DDX10: variants seen among roughly 807,000 people sequenced by gnomAD.
The protein encoded by DDX10 is DEAD-box helicase 10, also known as probable ATP-dependent RNA helicase DDX10.
Under a neutral mutation model 104.3 loss-of-function variants are expected in DDX10, and 74 were observed. The observed-to-expected ratio is 0.71, with a 90% CI of 0.59 to 0.86. The LOEUF (loss-of-function observed/expected upper bound fraction) is 0.86, where lower values mean the gene tolerates loss of function less well. Ranked by LOEUF, DDX10 falls within the 40% of genes least tolerant of loss-of-function variation. The probability of loss-of-function intolerance (pLI) is 0.00; values close to 1 mark genes in which losing one functional copy is unlikely to be tolerated. For synonymous variants in DDX10, 351 were observed against 353.4 expected (o/e 0.99, Z 0.08); for missense variants, 952 against 1,040.0 (o/e 0.92, Z 1.16).
intron 9 of DDX10, among the ~76,000 whole-genome samples, chr11:108,702,728 T>C (rs2134458109): frequency 6.6e-6 from 1 of 152,336 alleles, no homozygotes; most frequent in Admixed American, 6.5e-5. Context: ...AGCTTTCTGA[T>C]ATCAGCTAGA....
At chr11:108,883,840 C>T (rs995796415) in intron 16 of DDX10, among the ~76,000 whole-genome samples, 1 of 152,172 alleles carries the variant, frequency 6.6e-6, no homozygotes, top group African/African-American at 2.4e-5. Context: ...TGAAGCCCTT[C>T]TTCAGTAAAC....
intron 17 of DDX10, among the ~76,000 whole-genome samples, chr11:108,924,074 A>C (rs1399725414): frequency 6.6e-6 from 1 of 152,088 alleles, no homozygotes; most frequent in Non-Finnish European, 1.5e-5. Context: ...CTTCGTGTGA[A>C]TTGCTAATGA....
intron 13 of DDX10, among the ~76,000 whole-genome samples, chr11:108,783,513 T>C (rs931254016): frequency 5.9e-5 from 9 of 152,132 alleles, no homozygotes; most frequent in African/African-American, 2.2e-4. Context: ...TGGTGCAGTC[T>C]TTTGGATGTA....
intron 16 of DDX10, among the ~76,000 whole-genome samples, chr11:108,871,433 T>C (rs1863080637): frequency 6.6e-6 from 1 of 152,264 alleles, no homozygotes; most frequent in Non-Finnish European, 1.5e-5. Flanking sequence ...AATTATAATG[T>C]AATGCCTCAT....
intron 13 of DDX10, among the ~76,000 whole-genome samples, chr11:108,834,660 G>A (rs999732535): frequency 1.3e-5 from 2 of 152,002 alleles, no homozygotes; most frequent in African/African-American, 2.4e-5. Context: ...GATCAGCATT[G>A]CTTCTGTCTT....
chr11:108,866,432 G>C (rs920401535), intron 16 of DDX10, among the ~76,000 whole-genome samples: 1 of 152,080 alleles, frequency 6.6e-6, no homozygotes, highest in African/African-American at 2.4e-5. Flanking sequence ...AGCTTGGAAG[G>C]TCACTTTGGA....
intron 1 of DDX10, among the ~76,000 whole-genome samples, chr11:108,671,775 C>T (rs61913967): frequency 0.12 from 18,612 of 152,102 alleles, 1,542 homozygotes; most frequent in East Asian, 0.27. Context: ...TCCTTTTCTT[C>T]GTCTTCTTTT....
chr11:108,717,289 C>T (rs2094292705), intron 11 of DDX10, among the ~76,000 whole-genome samples: 1 of 152,160 alleles, frequency 6.6e-6, no homozygotes, highest in Non-Finnish European at 1.5e-5. Context: ...AACTGTTATT[C>T]CTGGCAAAGA....
At position 108,820,618 on chromosome 11, in the gene DDX10, G is replaced by T. The variant is rs185165980; in HGVS notation, c.1966-17828G>T. On this transcript the variant is annotated intron_variant, in intron 13 of 17. Coordinates refer to ENST00000322536, the MANE Select transcript of DDX10 (RefSeq NM_004398.4). ...CTGCAGTCATCTGAGAAATTAAGCC[G>T]TCAGGCACGTGGAGACTTTGAGGTT... is the stretch of plus-strand genomic sequence containing the variant. Among the ~76,000 whole-genome samples, 12 of 152,284 alleles carry T rather than the reference G, an allele frequency of 7.9e-5. No individual in the cohort carries two copies. The South Asian group carries it at 2.5e-3, about 32-fold the overall frequency.
intron 13 of DDX10, among the ~76,000 whole-genome samples, chr11:108,813,461 G>C (rs1200828316): frequency 3.9e-5 from 6 of 151,966 alleles, no homozygotes; most frequent in African/African-American, 1.5e-4. Flanking sequence ...CTCTCTATTG[G>C]GAAAATTTAT....
At chr11:108,812,979 TAAAA>T (rs60528070) in intron 13 of DDX10, among the ~76,000 whole-genome samples, 1 of 66,484 alleles carries the variant, frequency 1.5e-5, no homozygotes, top group Non-Finnish European at 2.9e-5. Flanking sequence ...GACTCCATCT[TAAAA>T]AAAAAAAAAA....
intron 13 of DDX10, among the ~76,000 whole-genome samples, chr11:108,772,344 C>G (rs1008778269): frequency 1.3e-5 from 2 of 152,078 alleles, no homozygotes; most frequent in African/African-American, 4.8e-5. Context: ...AACCTAATGA[C>G]AAGTGTCATG....
At chr11:108,774,880 C>T (rs563497034) in intron 13 of DDX10, among the ~76,000 whole-genome samples, 53 of 152,288 alleles carry the variant, frequency 3.5e-4, no homozygotes, top group African/African-American at 1.2e-3. Flanking sequence ...TAAGAGATTC[C>T]TGTCTCTGCC....
chr11:108,666,926 C>G (rs1194487181), intron 1 of DDX10, among the ~76,000 whole-genome samples: 2 of 152,196 alleles, frequency 1.3e-5, no homozygotes, highest in African/African-American at 4.8e-5. Flanking sequence ...TCCACCATCT[C>G]AGCAGACCGT....
At chr11:108,810,115 T>A (rs983537130) in intron 13 of DDX10, among the ~76,000 whole-genome samples, 5 of 152,178 alleles carry the variant, frequency 3.3e-5, no homozygotes, top group Non-Finnish European at 7.4e-5. Context: ...CCGAGTTCCA[T>A]CTGAATAGAT....
chr11:108,819,037 C>T (rs1002772102), intron 13 of DDX10, among the ~76,000 whole-genome samples: 1 of 152,128 alleles, frequency 6.6e-6, no homozygotes, highest in Non-Finnish European at 1.5e-5. Context: ...AATGTTTTTG[C>T]AACACTTGAG....
chr11:108,769,669 C>T (rs540753453), intron 13 of DDX10, among the ~76,000 whole-genome samples: 1 of 152,136 alleles, frequency 6.6e-6, no homozygotes, highest in Non-Finnish European at 1.5e-5. Flanking sequence ...TAGGTTGCTT[C>T]CCACCGTGGG....
chr11:108,741,096 C>G (rs778446253), intron 13 of DDX10, among the ~76,000 whole-genome samples: 2 of 152,038 alleles, frequency 1.3e-5, no homozygotes, highest in Non-Finnish European at 1.5e-5. Context: ...TTGACTTTAT[C>G]GAAGATCAGA....
intron 16 of DDX10, among the ~76,000 whole-genome samples, chr11:108,877,643 A>G (rs760900683): frequency 6.6e-6 from 1 of 152,190 alleles, no homozygotes; most frequent in Admixed American, 6.5e-5. Flanking sequence ...GATAATTTAC[A>G]CTGTCTACAT....
Sources: gnomAD v4.1 joint callset for allele counts (sites outside exome capture counted in the v4.1 genomes callset) on GRCh38, gnomAD v4.1.1 for gene constraint, MANE v1.5 for transcripts, NCBI Gene and HGNC (gene_info 2026-07-23, HGNC 2026-07-21) for gene names.